PEBP1: variants seen among roughly 807,000 people sequenced by gnomAD.
The protein encoded by PEBP1 is phosphatidylethanolamine binding protein 1.
A neutral mutation model predicts 22.7 loss-of-function variants in PEBP1; 17 were observed. The ratio of observed to expected loss-of-function variants is 0.75; its 90% CI spans 0.51 to 1.12. The LOEUF is 1.12. PEBP1 is among the 50% of genes most tolerant of loss of function. PEBP1 has a pLI of 0.00. For missense variants in PEBP1, 205 were observed against 243.5 expected (o/e 0.84, Z 1.05); for synonymous variants, 106 against 104.3 (o/e 1.02, Z -0.10).
intron 2 of PEBP1, among the ~76,000 whole-genome samples, chr12:118,138,805 T>C (rs7977921): frequency 0.21 from 32,413 of 152,106 alleles, 4,916 homozygotes; most frequent in East Asian, 0.52. Context: ...TAACGTTTTA[T>C]TGGAGCAAAG....
chr12:118,143,496 C>A (rs1194170351), intron 3 of PEBP1, among the ~76,000 whole-genome samples: 1 of 152,200 alleles, frequency 6.6e-6, no homozygotes, highest in Non-Finnish European at 1.5e-5. Flanking sequence ...ACATTCTGAT[C>A]ATCTTTTCAT....
At position 118,142,826 on chromosome 12, in the gene PEBP1, CTT is replaced by C. The variant is rs374392598; in HGVS notation, c.347-1730_347-1729del. The stretch of plus-strand genomic sequence containing the variant: ...ACTACAGTAGCGTTAACTACATTCA[CTT>C]TTTTTTTTTTTTTTTTTTTTTTTTT... On this transcript the variant is annotated intron_variant, in intron 3 of 3. Transcript: ENST00000261313. Among the ~76,000 whole-genome samples, 100 of 93,614 alleles carry C rather than the reference CTT, an allele frequency of 1.1e-3. 1 individual carries two copies. Among genetic ancestry groups the C allele is most frequent in the South Asian group, 9.5e-3 (22 of 2,312 alleles). 61.4% of individuals were successfully genotyped at this position (93,614 alleles called of 152,430 possible).
chr12:118,144,886 C>T lies in PEBP1; in HGVS notation c.*83C>T, dbSNP rs756607181. 5 of 1,597,132 alleles carry T rather than the reference C, an allele frequency of 3.1e-6. No homozygotes were observed. The highest frequency in any genetic ancestry group is 1.3e-5 in the African/African-American group (1 of 74,794). ...AGTGTTGCATGTATAATAGATTTCTCCTCTTCCTGCCCCCCTTGGCATGGG... is the reference window on the plus strand; with the variant it reads ...AGTGTTGCATGTATAATAGATTTCTTCTCTTCCTGCCCCCCTTGGCATGGG... On this transcript the variant is annotated 3_prime_UTR_variant, in exon 4 of 4. Transcript: ENST00000261313.
Position 118,136,663 on chromosome 12 carries a change from C to T in PEBP1, c.135+319C>T, listed in dbSNP as rs1225634594. Among the ~76,000 whole-genome samples the T allele has an allele frequency of 1.3e-5, 2 of 152,228 alleles. No homozygotes were observed. Among genetic ancestry groups the T allele is most frequent in the East Asian group, 1.9e-4 (1 of 5,188 alleles). The stretch of plus-strand genomic sequence containing the variant: ...CCCCCTCTCCCCCCACAGGCCAGGG[C>T]GCTGGAGAGGGACGTCGCCGGGACA... On this transcript the variant is annotated intron_variant, in intron 1 of 3. Coordinates refer to ENST00000261313, the MANE Select transcript of PEBP1 (RefSeq NM_002567.4). This position sits in a 1 kb window ranked among gnomAD's most constrained non-coding sequence, Gnocchi z 5.6.
intron 3 of PEBP1, among the ~76,000 whole-genome samples, chr12:118,140,675 A>G (rs946690071): frequency 1.3e-4 from 19 of 151,892 alleles, no homozygotes; most frequent in South Asian, 2.1e-4. Context: ...AGTAGCTGGG[A>G]CTACAGGTGT....
intron 1 of PEBP1, among the ~76,000 whole-genome samples, chr12:118,137,711 A>G (rs1592926766): frequency 6.6e-6 from 1 of 152,078 alleles, no homozygotes; most frequent in Non-Finnish European, 1.5e-5. Context: ...TTTTTGAGAC[A>G]GAGTCTCACT....
At chr12:118,137,518 A>G (rs1190164188) in intron 1 of PEBP1, among the ~76,000 whole-genome samples, 3 of 152,134 alleles carry the variant, frequency 2.0e-5, no homozygotes, top group Non-Finnish European at 4.4e-5. Flanking sequence ...TAGCGTCACT[A>G]CACTCCGGCC....
intron 3 of PEBP1, among the ~76,000 whole-genome samples, chr12:118,141,120 C>CTT (rs111992400): frequency 6.9e-6 from 1 of 145,592 alleles, no homozygotes; most frequent in Non-Finnish European, 1.5e-5. Context: ...TTTCACTATT[C>CTT]TTTTTTTTTT....
intron 3 of PEBP1, among the ~76,000 whole-genome samples, chr12:118,142,261 C>T (rs568246619): frequency 6.0e-5 from 9 of 148,910 alleles, no homozygotes; most frequent in South Asian, 4.2e-4. Flanking sequence ...GGTGTGATCG[C>T]GGCTCACTGC....
In PEBP1 at chr12:118,136,169, T is replaced by C. The variant is rs1375676196; in HGVS notation, c.-41T>C. The C allele has an allele frequency of 1.3e-6, 2 of 1,538,114 alleles. No homozygotes were observed. Among genetic ancestry groups the C allele is most frequent in the East Asian group, 4.9e-5 (2 of 40,622 alleles). On this transcript the variant is annotated 5_prime_UTR_variant, in exon 1 of 4. Transcript: ENST00000261313. This position sits in a 1 kb window ranked among gnomAD's most constrained non-coding sequence, Gnocchi z 5.6. Reference sequence around the variant, plus strand: ...TCGCCTCTGTCGCCCGCGCCTGGCCTACCGCGGCACTCCCGGCTGCACGCT... The same window carrying C: ...TCGCCTCTGTCGCCCGCGCCTGGCCCACCGCGGCACTCCCGGCTGCACGCT...
chr12:118,136,377 A>C lies in PEBP1; in HGVS notation c.135+33A>C, dbSNP rs2293444. 204,757 of 1,526,952 alleles carry C rather than the reference A, an allele frequency of 0.13. 20,903 individuals carry two copies. The highest frequency in any genetic ancestry group is 0.56 in the East Asian group (22,453 of 40,418). 94.6% of individuals were successfully genotyped at this position (1,526,952 alleles called of 1,614,324 possible). ...GGGCGGCGGGCGTGCAGCGAGCGGC[A>C]CGGCGCGGAGGCCTGTGCCGGCCTC... On this transcript the variant is annotated intron_variant, in intron 1 of 3. Transcript: ENST00000261313. This position sits in a 1 kb window ranked among gnomAD's most constrained non-coding sequence, Gnocchi z 5.6.
Position 118,137,957 on chromosome 12 carries a change from G to T in PEBP1, c.136-82G>T, listed in dbSNP as rs550467325. 412 of 899,810 alleles carry T rather than the reference G, an allele frequency of 4.6e-4. 1 individual carries two copies. The African/African-American group carries it at 6.3e-3, about 14-fold the overall frequency. The allele number at this position is 899,810 out of a possible 1,614,324, so 55.7% of individuals were successfully genotyped here. A position where few individuals can be genotyped will look rare whatever the true frequency, so the allele number is the denominator to read the frequency against. On this transcript the variant is annotated intron_variant, in intron 1 of 3. Transcript: ENST00000261313. ...TCTCCTAGGCCTCCCAAAGTGCTGG[G>T]ATTACAGGCGTGAGCCACCACACCC...
chr12:118,139,340 G>A, intron 2 of PEBP1, 111 bp from the exon 3 acceptor site: 1 of 686,972 alleles, frequency 1.5e-6, no homozygotes. Flanking sequence ...AAGGACTGTT[G>A]TTCGTGGCTG....
chr12:118,139,101 T>G, intron 2 of PEBP1: 1 of 256,664 alleles, frequency 3.9e-6, no homozygotes, highest in South Asian at 3.6e-5. Context: ...GATCACGAGG[T>G]CAGGAGTTCA....
At chr12:118,137,761 G>A (rs11068844) in intron 1 of PEBP1, among the ~76,000 whole-genome samples, 1 of 151,748 alleles carries the variant, frequency 6.6e-6, no homozygotes, top group Non-Finnish European at 1.5e-5. Context: ...GATCTTGGCC[G>A]CCTGCAGCCT....
Position 118,144,764 on chromosome 12 carries a change from CTA to C in PEBP1, c.527_528del (p.Tyr176CysfsTer15). 1 of 1,614,124 alleles carries C rather than the reference CTA, an allele frequency of 6.2e-7. No homozygotes were observed. Among genetic ancestry groups the C allele is most frequent in the Non-Finnish European group, 8.5e-7 (1 of 1,180,044 alleles). The stretch of plus-strand genomic sequence containing the variant: ...CGTGTTACCAGGCCGAGTGGGATGA[CTA>C]TGTGCCCAAACTGTACGAGCAGCTG... ...GTCYQAEWDDYVPKLYEQLSG... is the reference protein window; with the variant it reads ...GTCYQAEWDDXVPKLYEQLSG... On this transcript the variant is annotated frameshift_variant, in exon 4 of 4. Transcript: ENST00000261313. LOFTEE classifies it high-confidence loss of function.
chr12:118,140,950 G>A (rs1436278648), intron 3 of PEBP1, among the ~76,000 whole-genome samples: 1 of 151,894 alleles, frequency 6.6e-6, no homozygotes, highest in Non-Finnish European at 1.5e-5. Flanking sequence ...AGATCGGAAG[G>A]GTTCAGTCAG....
Position 118,138,288 on chromosome 12 carries a change from T to G in PEBP1, c.245+140T>G, listed in dbSNP as rs2034084382. ...AAGCCAGAGAGTGCCTTTCCTGCCC[T>G]TTTGCCCCCCTACAGCAGGTGTCTG... On this transcript the variant is annotated intron_variant, in intron 2 of 3. Transcript: ENST00000261313. 7 of 646,120 alleles carry G rather than the reference T, an allele frequency of 1.1e-5. No individual in the cohort carries two copies. In the South Asian group the frequency reaches 1.3e-4, roughly 12 times the overall value. 40.0% of individuals were successfully genotyped at this position (646,120 alleles called of 1,614,324 possible). A position where few individuals can be genotyped will look rare whatever the true frequency, so the allele number is the denominator to read the frequency against.
rs1298677690 is a variant in PEBP1 at position 118,138,131 on chromosome 12, GA to G, written c.230del (p.Lys77ArgfsTer16). The part of the protein sequence containing the change: ...VLTDPDAPSR[K>X]DPKYREWHHF... Reference sequence around the variant, plus strand: ...TGACAGACCCGGATGCTCCCAGCAGGAAGGATCCCAAATACAGGTGAGAGGT... The same window carrying G: ...TGACAGACCCGGATGCTCCCAGCAGGAGGATCCCAAATACAGGTGAGAGGT... On this transcript the variant is annotated frameshift_variant, in exon 2 of 4. Transcript: ENST00000261313. LOFTEE classifies it high-confidence loss of function. The G allele has an allele frequency of 6.2e-7, 1 of 1,611,836 alleles. No homozygotes were observed. Among genetic ancestry groups the G allele is most frequent in the East Asian group, 2.2e-5 (1 of 44,870 alleles).
Sources: allele counts gnomAD v4.1 joint callset (sites outside exome capture counted in the v4.1 genomes callset), GRCh38; gene constraint gnomAD v4.1.1; non-coding constraint Gnocchi (gnomAD v3.1); transcripts MANE v1.5; gene names NCBI Gene and HGNC (gene_info 2026-07-23, HGNC 2026-07-21).